Variants in SPOCK1 observed in about 807,000 individuals in gnomAD.
SPOCK1 encodes SPARC (osteonectin), cwcv and kazal like domains proteoglycan 1.
SPOCK1 carries 23 observed loss-of-function variants against 55.3 expected under a neutral mutation model. The ratio of observed to expected loss-of-function variants is 0.42; its 90% CI spans 0.30 to 0.59. The LOEUF is 0.59. SPOCK1 is among the 20% of genes least tolerant of loss of function. The pLI, the probability that SPOCK1 is intolerant of heterozygous loss-of-function variation, is 0.22. For synonymous variants in SPOCK1, 226 were observed against 221.0 expected, an observed-to-expected ratio of 1.02 and a Z score of -0.20; for missense variants, 499 against 552.5, an observed-to-expected ratio of 0.90 and a Z score of 0.97.
At chr5:137,398,699 A>G (rs1580903996) in intron 2 of SPOCK1, among the ~76,000 whole-genome samples, 1 of 152,314 alleles carries the variant, frequency 6.6e-6, no homozygotes, top group Non-Finnish European at 1.5e-5. Context: ...GCAGATTAAC[A>G]GGGTTTTATG....
intron 2 of SPOCK1, among the ~76,000 whole-genome samples, chr5:137,439,927 C>T (rs1253619216): frequency 2.0e-5 from 3 of 152,170 alleles, no homozygotes; most frequent in Admixed American, 2.0e-4. Flanking sequence ...GCCCCACCCA[C>T]ACATCAAAGC....
At chr5:137,032,554 G>C (rs956237082) in intron 6 of SPOCK1, among the ~76,000 whole-genome samples, 58 of 152,306 alleles carry the variant, frequency 3.8e-4, no homozygotes, top group Middle Eastern at 6.8e-3. Flanking sequence ...ACGAGGTAGC[G>C]TAAGTGAATA....
At chr5:137,461,527 A>T (rs1267859560) in intron 2 of SPOCK1, among the ~76,000 whole-genome samples, 3 of 152,118 alleles carry the variant, frequency 2.0e-5, no homozygotes, top group African/African-American at 7.2e-5. Context: ...TCCCATAACC[A>T]CGGACTTAAG....
chr5:137,351,322 C>T lies in SPOCK1; in HGVS notation c.187-84267G>A, dbSNP rs115791862. On this transcript the variant is annotated intron_variant, in intron 2 of 10. Transcript: ENST00000394945. Reference sequence around the variant, plus strand: ...AAAGTGCTTGGCCACTCAGGCTCCTCGTTGATGAAATGGAAACAAAATGCC... The same window carrying T: ...AAAGTGCTTGGCCACTCAGGCTCCTTGTTGATGAAATGGAAACAAAATGCC... Among the ~76,000 whole-genome samples, 494 of 152,320 alleles carry T rather than the reference C, an allele frequency of 3.2e-3. 4 individuals are homozygous for T. Among genetic ancestry groups the T allele is most frequent in the African/African-American group, 0.011 (437 of 41,574 alleles).
chr5:137,249,406 A>G (rs1756463524), intron 3 of SPOCK1, among the ~76,000 whole-genome samples: 2 of 152,350 alleles, frequency 1.3e-5, no homozygotes, highest in South Asian at 4.1e-4. Flanking sequence ...ACGACACAGA[A>G]TACTATGCTA....
chr5:137,055,951 T>C (rs1210874126), intron 6 of SPOCK1, among the ~76,000 whole-genome samples: 1 of 152,160 alleles, frequency 6.6e-6, no homozygotes, highest in Non-Finnish European at 1.5e-5. Context: ...ACCTGCCTCT[T>C]TGACTTCGGG....
At chr5:136,990,689 A>G (rs1248388263) in intron 7 of SPOCK1, among the ~76,000 whole-genome samples, 1 of 152,140 alleles carries the variant, frequency 6.6e-6, no homozygotes, top group Non-Finnish European at 1.5e-5. Context: ...CTTTGGCACT[A>G]CACAGCTCTA....
intron 2 of SPOCK1, among the ~76,000 whole-genome samples, chr5:137,341,102 T>C (rs912757121): frequency 2.0e-5 from 3 of 152,218 alleles, no homozygotes; most frequent in Non-Finnish European, 4.4e-5. Flanking sequence ...TCACTGTCTC[T>C]ATTCATGTAC....
intron 6 of SPOCK1, among the ~76,000 whole-genome samples, chr5:137,016,988 G>C (rs921178031): frequency 6.6e-6 from 1 of 152,226 alleles, no homozygotes; most frequent in Non-Finnish European, 1.5e-5. Context: ...GAGCGCTGAG[G>C]CTCCTCCTTC....
chr5:137,260,707 A>G (rs1410488551), intron 3 of SPOCK1, among the ~76,000 whole-genome samples: 4 of 152,232 alleles, frequency 2.6e-5, no homozygotes, highest in Admixed American at 6.5e-5. Context: ...AGAGAGACTG[A>G]GTTAAAGTAG....
chr5:136,986,305 G>A (rs1404504831), intron 8 of SPOCK1, among the ~76,000 whole-genome samples: 4 of 152,060 alleles, frequency 2.6e-5, no homozygotes, highest in Admixed American at 6.5e-5. Flanking sequence ...GACCAGCTCT[G>A]GCACTGTTAC....
chr5:136,989,218 G>A (rs1436501357), intron 7 of SPOCK1, among the ~76,000 whole-genome samples: 1 of 152,220 alleles, frequency 6.6e-6, no homozygotes, highest in African/African-American at 2.4e-5. Flanking sequence ...GGAGATCCAT[G>A]AGATGGAATC....
chr5:137,096,154 A>AC (rs565030640), intron 5 of SPOCK1, among the ~76,000 whole-genome samples: 316 of 152,024 alleles, frequency 2.1e-3, no homozygotes, highest in South Asian at 7.7e-3. Context: ...CATGTGGTTC[A>AC]CCCCATCCTC....
At chr5:137,254,429 C>T (rs983719736) in intron 3 of SPOCK1, among the ~76,000 whole-genome samples, 1 of 152,186 alleles carries the variant, frequency 6.6e-6, no homozygotes, top group African/African-American at 2.4e-5. Flanking sequence ...AACTCCACCT[C>T]CCCTTGACCT....
At chr5:137,347,798 G>C (rs944643205) in intron 2 of SPOCK1, among the ~76,000 whole-genome samples, 2 of 152,100 alleles carry the variant, frequency 1.3e-5, no homozygotes, top group African/African-American at 4.8e-5. Flanking sequence ...AGAGCACCCA[G>C]AGCCACGCCT....
chr5:136,997,886 C>A (rs1751076241), intron 6 of SPOCK1, among the ~76,000 whole-genome samples: 1 of 152,218 alleles, frequency 6.6e-6, no homozygotes, highest in Non-Finnish European at 1.5e-5. Flanking sequence ...CTGCCCAGCA[C>A]TGGGGACCCA....
rs536793609 is a variant in SPOCK1 at position 137,116,864 on chromosome 5, G to C, written c.348-4303C>G. Among the ~76,000 whole-genome samples the C allele has an allele frequency of 6.9e-4, 105 of 152,040 alleles. 1 individual carries two copies. Among genetic ancestry groups the C allele is most frequent in the African/African-American group, 2.4e-3 (99 of 41,464 alleles). ...GCTCTTTCCCATGTGCCATCATGTG[G>C]GTTTTCCTTGACCCACATTTCTCCC... On this transcript the variant is annotated intron_variant, in intron 4 of 10. Transcript: ENST00000394945.
intron 2 of SPOCK1, among the ~76,000 whole-genome samples, chr5:137,387,823 G>A (rs924944082): frequency 6.6e-5 from 10 of 151,808 alleles, no homozygotes; most frequent in Admixed American, 2.6e-4. Flanking sequence ...GGAAATCTCT[G>A]TACTTTCCTC....
At chr5:137,016,137 C>T (rs761155429) in intron 6 of SPOCK1, among the ~76,000 whole-genome samples, 1 of 152,198 alleles carries the variant, frequency 6.6e-6, no homozygotes, top group Non-Finnish European at 1.5e-5. Flanking sequence ...GGCCGCTTTT[C>T]ATCGCAAAAT....
Sources: allele counts gnomAD v4.1 joint callset (sites outside exome capture counted in the v4.1 genomes callset), GRCh38; gene constraint gnomAD v4.1.1; transcripts MANE v1.5; gene names NCBI Gene and HGNC (gene_info 2026-07-23, HGNC 2026-07-21).